The following ITGB6 variants were observed in gnomAD, a reference collection of about 807,000 sequenced individuals.
The protein encoded by ITGB6 is integrin beta-6.
Under a neutral mutation model 84.5 loss-of-function variants are expected in ITGB6, and 80 were observed. That is an observed-to-expected ratio of 0.95 (90% CI 0.79 to 1.14). The LOEUF is 1.14. Among genes scored for constraint, ITGB6 ranks in the 50% most tolerant of loss-of-function variants. The pLI, the probability that ITGB6 is intolerant of heterozygous loss-of-function variation, is 0.00. For synonymous variants in ITGB6, 383 were observed against 354.9 expected (o/e 1.08, Z -0.89); for missense variants, 1,006 against 968.0 (o/e 1.04, Z -0.52).
At chr2:160,129,410 A>AAG (rs10675691) in intron 10 of ITGB6, among the ~76,000 whole-genome samples, 1 of 150,910 alleles carries the variant, frequency 6.6e-6, no homozygotes, top group Admixed American at 6.6e-5. Flanking sequence ...AAAAAAAAAA[A>AAG]GAAATGTGCA....
intron 7 of ITGB6, among the ~76,000 whole-genome samples, chr2:160,154,039 T>C (rs1684530258): frequency 1.3e-5 from 2 of 152,228 alleles, no homozygotes; most frequent in South Asian, 4.1e-4. Context: ...TCCCCAAGGA[T>C]CTAGAACTAG....
At chr2:160,188,315 C>T (rs1038041345) in intron 4 of ITGB6, among the ~76,000 whole-genome samples, 20 of 152,092 alleles carry the variant, frequency 1.3e-4, no homozygotes, top group African/African-American at 4.6e-4. Context: ...AGAGTTAGGG[C>T]TATAATGGAA....
chr2:160,142,040 A>G lies in ITGB6; in HGVS notation c.1049T>C (p.Val350Ala). Residue 350 changes from valine to alanine, a missense_variant, in exon 8 of 15, where the codon GTA becomes GCA. Val to Ala is a moderately conservative substitution (Grantham distance 64, BLOSUM62 0). Transcript: ENST00000283249. ...TCCGGAGTCCTTCTGAAGTAGACCT[A>G]CTGTAGCTCCAGGAATAAGTTTTGC... ...NYAKLIPGAT[V>A]GLLQKDSGNI... The G allele has an allele frequency of 6.2e-7, 1 of 1,608,076 alleles. No homozygotes were observed. Among genetic ancestry groups the G allele is most frequent in the East Asian group, 2.2e-5 (1 of 44,610 alleles).
In ITGB6 at chr2:160,163,363, G is replaced by A. The variant is rs971200003; in HGVS notation, c.1017+5849C>T. 2.6e-5 allele frequency among the ~76,000 whole-genome samples: 4 copies of A among 152,280 alleles called. No homozygotes were observed. In the East Asian group the frequency reaches 7.7e-4, roughly 29 times the overall value. On this transcript the variant is annotated intron_variant, in intron 7 of 14. Coordinates refer to ENST00000283249, the MANE Select transcript of ITGB6 (RefSeq NM_000888.5). ...AGCTGGTTGCTTGACCAGGAGCAGT[G>A]CCTCACACCTGTAATTCCAGCATTT...
intron 8 of ITGB6, among the ~76,000 whole-genome samples, chr2:160,141,235 G>A (rs3796103): frequency 0.67 from 101,532 of 151,576 alleles, 34,367 homozygotes; most frequent in Admixed American, 0.74. Flanking sequence ...CTCTCTCTGT[G>A]TGTGTATTTC....
chr2:160,168,365 CA>C (rs1685083922), intron 7 of ITGB6, among the ~76,000 whole-genome samples: 1 of 152,144 alleles, frequency 6.6e-6, no homozygotes, highest in South Asian at 2.1e-4. Flanking sequence ...GAGGTCCTTT[CA>C]AAAGGAATGA....
Position 160,107,769 on chromosome 2 carries a change from T to G in ITGB6, c.2178A>C (p.Leu726=). The G allele has an allele frequency of 1.2e-6, 2 of 1,613,998 alleles. No individual in the cohort carries two copies. The highest frequency in any genetic ancestry group is 1.7e-6 in the Non-Finnish European group (2 of 1,179,880). ...ACACCAGTAGCTTCCAGATGCACAG[T>G]AGGACAACCCCGATGAGAAGAATAG... ...SLAILLIGVV[L]LCIWKLLVSF... The change falls in exon 14 of 15, where the codon CTA becomes CTC. Residue 726 remains leucine, a synonymous_variant. Transcript: ENST00000283249.
intron 5 of ITGB6, among the ~76,000 whole-genome samples, chr2:160,172,943 A>T (rs1685271884): frequency 6.6e-6 from 1 of 152,184 alleles, no homozygotes; most frequent in Non-Finnish European, 1.5e-5. Context: ...TTTTCATATG[A>T]TTTATGCTTC....
chr2:160,111,662 C>T (rs934702087), intron 13 of ITGB6, among the ~76,000 whole-genome samples: 4 of 149,068 alleles, frequency 2.7e-5, no homozygotes, highest in Admixed American at 1.4e-4. Context: ...TCAACGCAAC[C>T]TACACCTCCC....
chr2:160,170,590 G>A (rs533498750), intron 6 of ITGB6, among the ~76,000 whole-genome samples: 6 of 152,236 alleles, frequency 3.9e-5, no homozygotes, highest in Admixed American at 3.9e-4. Flanking sequence ...TTTTCTATTT[G>A]AATCAGATCT....
At chr2:160,119,053 G>C (rs1488526367) in intron 12 of ITGB6, among the ~76,000 whole-genome samples, 1 of 152,154 alleles carries the variant, frequency 6.6e-6, no homozygotes, top group African/African-American at 2.4e-5. Context: ...ATGCTCATGG[G>C]TAGGAAGAAT....
At position 160,136,917 on chromosome 2, in the gene ITGB6, G is replaced by A. The variant is rs561795405; in HGVS notation, c.1660+517C>T. Among the ~76,000 whole-genome samples, 8 of 152,036 alleles carry A rather than the reference G, an allele frequency of 5.3e-5. No individual in the cohort carries two copies. The South Asian group carries it at 1.3e-3, about 24-fold the overall frequency. ...GGCCTGTTGTGGGGTGGGGGGAAGG[G>A]GGAGGGATAGCATTAGGAGATATAC... On this transcript the variant is annotated intron_variant, in intron 10 of 14. Coordinates refer to ENST00000283249, the MANE Select transcript of ITGB6 (RefSeq NM_000888.5).
chr2:160,165,346 T>C (rs1177258566), intron 7 of ITGB6, among the ~76,000 whole-genome samples: 1 of 152,234 alleles, frequency 6.6e-6, no homozygotes, highest in East Asian at 1.9e-4. Flanking sequence ...TCCCGCCCAG[T>C]CTTTTTTATT....
chr2:160,195,666 T>C (rs748831817), intron 3 of ITGB6, 51 bp from the exon 4 acceptor site: 20 of 1,607,102 alleles, frequency 1.2e-5, no homozygotes, highest in Non-Finnish European at 1.6e-5. Context: ...CTGAGATTTA[T>C]TTGCTACTGG....
chr2:160,129,411 G>C (rs200505157), intron 10 of ITGB6, among the ~76,000 whole-genome samples: 2 of 87,826 alleles, frequency 2.3e-5, no homozygotes, highest in African/African-American at 4.8e-5. Flanking sequence ...AAAAAAAAAA[G>C]AAATGTGCAT....
Position 160,200,162 on chromosome 2 carries a change from T to A in ITGB6, c.-99A>T. 1 of 937,050 alleles carries A rather than the reference T, an allele frequency of 1.1e-6. No homozygotes were observed. Among genetic ancestry groups the A allele is most frequent in the South Asian group, 1.5e-5 (1 of 68,478 alleles). 58.0% of individuals were successfully genotyped at this position (937,050 alleles called of 1,614,324 possible). On this transcript the variant is annotated 5_prime_UTR_variant, in exon 1 of 15. Transcript: ENST00000283249. Reference sequence around the variant, plus strand: ...TCGTTAAAGTCTTTCTTTCTTGAAGTATAACATTTTAAATACTACTTACAC... The same window carrying A: ...TCGTTAAAGTCTTTCTTTCTTGAAGAATAACATTTTAAATACTACTTACAC...
intron 7 of ITGB6, among the ~76,000 whole-genome samples, chr2:160,148,687 C>G (rs968335551): frequency 6.6e-6 from 1 of 152,206 alleles, no homozygotes; most frequent in Non-Finnish European, 1.5e-5. Flanking sequence ...GGGGATTTCC[C>G]TTTCCTAGCC....
intron 12 of ITGB6, among the ~76,000 whole-genome samples, chr2:160,116,345 G>A (rs1343247187): frequency 1.3e-5 from 2 of 149,782 alleles, no homozygotes; most frequent in African/African-American, 4.9e-5. Flanking sequence ...AGAAGAGAGT[G>A]GGGGCCAATA....
intron 6 of ITGB6, among the ~76,000 whole-genome samples, chr2:160,171,706 A>G (rs1228208075): frequency 1.3e-5 from 2 of 152,224 alleles, no homozygotes. Context: ...ATAATAAACC[A>G]GGTCTGGACC....
Sources: gnomAD v4.1 joint callset for allele counts (sites outside exome capture counted in the v4.1 genomes callset) on GRCh38, gnomAD v4.1.1 for gene constraint, MANE v1.5 for transcripts, NCBI Gene and HGNC (gene_info 2026-07-23, HGNC 2026-07-21) for gene names.